The following PLCE1 variants were observed in gnomAD, a reference collection of about 807,000 sequenced individuals.
The protein encoded by PLCE1 is phospholipase C epsilon 1.
In PLCE1, 119 loss-of-function variants were observed where a neutral mutation model predicts 242.8. That is an observed-to-expected ratio of 0.49 (90% confidence interval 0.42 to 0.57). The LOEUF (loss-of-function observed/expected upper bound fraction) is 0.57, where lower values mean the gene tolerates loss of function less well. PLCE1 is among the 20% of genes least tolerant of loss of function. The pLI is 0.00. For missense variants in PLCE1, 2,441 were observed against 2,788.8 expected (o/e 0.88, Z 2.81); for synonymous variants, 945 against 1,017.4 (o/e 0.93, Z 1.35).
rs1323830446 is a variant in PLCE1, at chr10:94,171,405, C to T, written c.1718C>T (p.Pro573Leu). 2 of 1,614,134 alleles carry T rather than the reference C, an allele frequency of 1.2e-6. No homozygotes were observed. The highest frequency in any genetic ancestry group is 1.7e-6 in the Non-Finnish European group (2 of 1,179,992). ...LGTPECQSSL[P>L]CLKASISASI... ...ACTCCTGAATGCCAGAGCTCCTTGC[C>T]CTGCCTCAAAGCATCCATCTCAGCG... is the stretch of plus-strand genomic sequence containing the variant. Residue 573 changes from proline (P) to leucine (L), a missense_variant, in exon 4 of 33, where the codon CCC (proline) becomes CTC (leucine). Transcript: ENST00000371380.
intron 2 of PLCE1, among the ~76,000 whole-genome samples, chr10:94,054,527 C>T (rs2043848678): frequency 1.3e-5 from 2 of 152,176 alleles, no homozygotes; most frequent in African/African-American, 4.8e-5. Context: ...AATCTGAGCA[C>T]CTGCAGGTGA....
intron 2 of PLCE1, among the ~76,000 whole-genome samples, chr10:94,054,736 AGT>A (rs2043856075): frequency 6.6e-6 from 1 of 152,178 alleles, no homozygotes; most frequent in South Asian, 2.1e-4. Flanking sequence ...GTTCAGGCCG[AGT>A]GCAGTGGCTC....
intron 2 of PLCE1, among the ~76,000 whole-genome samples, chr10:94,117,742 G>A (rs766279932): frequency 1.3e-5 from 2 of 152,214 alleles, no homozygotes; most frequent in African/African-American, 4.8e-5. Context: ...CTTTAATTAT[G>A]TGTAGTCACA....
At chr10:94,311,114 C>T (rs2053374040) in intron 27 of PLCE1, among the ~76,000 whole-genome samples, 1 of 152,158 alleles carries the variant, frequency 6.6e-6, no homozygotes, top group Non-Finnish European at 1.5e-5. Context: ...GCAGAGCTTC[C>T]ATGTCCTCTC....
chr10:94,248,928 T>C (rs994409186), intron 8 of PLCE1, among the ~76,000 whole-genome samples: 1 of 152,190 alleles, frequency 6.6e-6, no homozygotes, highest in African/African-American at 2.4e-5. Context: ...CAGCTTTTAC[T>C]GAAGGAGGCA....
Position 94,328,011 on chromosome 10 carries a change from A to AAAAAT in PLCE1, c.*70_*74dup, listed in dbSNP as rs751602724. The AAAAAT allele has an allele frequency of 1.3e-5, 7 of 531,192 alleles. No individual in the cohort carries two copies. Among genetic ancestry groups the AAAAAT allele is most frequent in the Non-Finnish European group, 2.7e-5 (7 of 258,956 alleles). 32.9% of individuals were successfully genotyped at this position (531,192 alleles called of 1,614,324 possible). A position where few individuals can be genotyped will look rare whatever the true frequency, so the allele number is the denominator to read the frequency against. ...GAAGTTAAAGAGTGAACATGGTGGA[A>AAAAAT]AAAATATAATTATTTTCATCAGACT... On this transcript the variant is annotated 3_prime_UTR_variant, in exon 33 of 33. Coordinates refer to ENST00000371380, the MANE Select transcript of PLCE1 (RefSeq NM_016341.4).
At chr10:94,108,871 C>T (rs563146545) in intron 2 of PLCE1, 46 of 152,332 alleles carry the variant, frequency 3.0e-4, no homozygotes, top group African/African-American at 1.1e-3. Flanking sequence ...CCAGTAACAG[C>T]CCTCTTTGTA....
intron 3 of PLCE1, among the ~76,000 whole-genome samples, chr10:94,135,152 T>A (rs1235866203): frequency 6.6e-6 from 1 of 152,160 alleles, no homozygotes. Flanking sequence ...ATGATAAGTA[T>A]GTGAGGTAAA....
At chr10:94,129,304 C>A (rs528759667) in intron 2 of PLCE1, among the ~76,000 whole-genome samples, 1 of 152,348 alleles carries the variant, frequency 6.6e-6, no homozygotes, top group South Asian at 2.1e-4. Flanking sequence ...ACTACGTCTA[C>A]AGGCTGTGTT....
chr10:94,187,983 C>G (rs762779793), intron 4 of PLCE1, among the ~76,000 whole-genome samples: 4 of 152,052 alleles, frequency 2.6e-5, no homozygotes, highest in Non-Finnish European at 5.9e-5. Context: ...TCCCTAGGTA[C>G]GCACAGCTAC....
At chr10:94,178,139 C>T (rs978706641) in intron 4 of PLCE1, among the ~76,000 whole-genome samples, 2 of 152,220 alleles carry the variant, frequency 1.3e-5, no homozygotes, top group African/African-American at 4.8e-5. Flanking sequence ...ACCACCCACA[C>T]CACTTCCAGG....
At chr10:94,192,669 G>A (rs540946309) in intron 4 of PLCE1, among the ~76,000 whole-genome samples, 1 of 152,234 alleles carries the variant, frequency 6.6e-6, no homozygotes, top group African/African-American at 2.4e-5. Flanking sequence ...TTGGTAGAAC[G>A]ATTTCTTTTT....
rs1024454830 is a variant in PLCE1, at chr10:94,235,983, G to A, written c.2283G>A (p.Ser761=). Reference sequence around the variant, plus strand: ...TGGGACAAAATGGCTTAAAGAATTCGGAGAAGGAGTCCACTGTCAACAGCA... The same window carrying A: ...TGGGACAAAATGGCTTAAAGAATTCAGAGAAGGAGTCCACTGTCAACAGCA... The part of the protein sequence containing the change: ...QRVGQNGLKN[S]EKESTVNSIF... The change falls in exon 7 of 33, where the codon TCG becomes TCA. Residue 761 remains serine (S), a synonymous_variant. Transcript: ENST00000371380. 38 of 1,613,832 alleles carry A rather than the reference G, an allele frequency of 2.4e-5. No individual in the cohort carries two copies. Among genetic ancestry groups the A allele is most frequent in the Middle Eastern group, 3.3e-4 (2 of 6,084 alleles).
chr10:94,256,375 T>TAAAA (rs71306820), intron 11 of PLCE1, among the ~76,000 whole-genome samples: 50,059 of 133,368 alleles, frequency 0.38, 8,618 homozygotes, highest in Middle Eastern at 0.47. Context: ...AAACAGAAAA[T>TAAAA]AGAAAGAAAA....
Position 94,332,749 on chromosome 10 carries a change from G to A in PLCE1, c.*4806G>A, listed in dbSNP as rs1336479165. ...ATTTTAAGCTGATTTTTCACCAGAA[G>A]TATAGTTTCTGCTGCCAAAGTAAAG... On this transcript the variant is annotated 3_prime_UTR_variant, in exon 33 of 33. Transcript: ENST00000371380. 1 of 152,142 alleles carries A rather than the reference G, an allele frequency of 6.6e-6. No homozygotes were observed. The highest frequency in any genetic ancestry group is 1.5e-5 in the Non-Finnish European group (1 of 68,042). The allele number at this position is 152,142 out of a possible 1,614,324, so 9.4% of individuals were successfully genotyped here.
At chr10:94,161,573 TC>T (rs1326571327) in intron 3 of PLCE1, among the ~76,000 whole-genome samples, 3 of 152,216 alleles carry the variant, frequency 2.0e-5, no homozygotes, top group Admixed American at 6.5e-5. Flanking sequence ...AATGGGGTTT[TC>T]TAGATACACA....
At position 94,171,300 on chromosome 10, in the gene PLCE1, T is replaced by A. The variant is rs1416236768; in HGVS notation, c.1613T>A (p.Ile538Asn). 2 of 1,614,036 alleles carry A rather than the reference T, an allele frequency of 1.2e-6. No individual in the cohort carries two copies. The change falls in exon 4 of 33, where the codon ATC (isoleucine) becomes AAC (asparagine). Residue 538 changes from isoleucine to asparagine, a missense_variant. Ile to Asn is a moderately radical substitution (Grantham distance 149). Around this residue, in one of 5 missense-constraint regions of PLCE1, gnomAD observed 733 missense variants for 754.2 expected, o/e 0.97. Transcript: ENST00000371380. ...LIQFPEEVASILMEQEQTIYR... is the reference protein window; with the variant it reads ...LIQFPEEVASNLMEQEQTIYR... ...CAGTTCCCAGAGGAAGTCGCCAGCA[T>A]CCTGATGGAGCAAGAGCAGACTATT...
intron 4 of PLCE1, among the ~76,000 whole-genome samples, chr10:94,200,009 CTGT>C (rs2048944173): frequency 6.6e-6 from 1 of 152,160 alleles, no homozygotes; most frequent in Non-Finnish European, 1.5e-5. Context: ...AAACAAAAAG[CTGT>C]AAGAAACAAG....
At chr10:94,255,127 T>C in intron 11 of PLCE1, 78 bp downstream of exon 11, 2 of 1,494,760 alleles carry the variant, frequency 1.3e-6, no homozygotes, top group South Asian at 2.3e-5. Context: ...TTTACAGTTG[T>C]CTATGGAAAG....
Sources: allele counts gnomAD v4.1 joint callset (sites outside exome capture counted in the v4.1 genomes callset), GRCh38; gene constraint gnomAD v4.1.1; regional missense constraint gnomAD v4.1.1; transcripts MANE v1.5; gene names NCBI Gene and HGNC (gene_info 2026-07-23, HGNC 2026-07-21).